Variants in NUP214 observed in about 807,000 individuals in gnomAD.
The protein encoded by NUP214 is nuclear pore complex protein Nup214.
In NUP214, 79 loss-of-function variants were observed where a neutral mutation model predicts 196.2. The observed-to-expected ratio is 0.40, with a 90% confidence interval of 0.34 to 0.49. NUP214 has a LOEUF of 0.49. NUP214 is among the 20% of genes least tolerant of loss of function. NUP214 has a pLI of 0.58. For synonymous variants in NUP214, 1,020 were observed against 990.5 expected, an observed-to-expected ratio of 1.03 and a Z score of -0.56; for missense variants, 2,468 against 2,539.0, an observed-to-expected ratio of 0.97 and a Z score of 0.60.
intron 11 of NUP214, among the ~76,000 whole-genome samples, chr9:131,142,396 G>A (rs1346933253): frequency 6.6e-6 from 1 of 152,244 alleles, no homozygotes; most frequent in Admixed American, 6.5e-5. Flanking sequence ...CAGATGTGTA[G>A]AAGAGAGCCC....
chr9:131,166,609 T>C (rs1588142795), intron 21 of NUP214, among the ~76,000 whole-genome samples: 1 of 152,314 alleles, frequency 6.6e-6, no homozygotes, highest in East Asian at 1.9e-4. Flanking sequence ...ACACATTAAG[T>C]GCACAAAACA....
intron 32 of NUP214, among the ~76,000 whole-genome samples, chr9:131,226,277 G>A (rs1564221405): frequency 6.6e-6 from 1 of 152,136 alleles, no homozygotes; most frequent in African/African-American, 2.4e-5. Context: ...TTCTTCTGGA[G>A]AAGAAATTTA....
Position 131,200,076 on chromosome 9 carries a change from G to A in NUP214, c.5521+1061G>A, listed in dbSNP as rs550519851. Among the ~76,000 whole-genome samples the A allele has an allele frequency of 3.3e-5, 5 of 152,268 alleles. No individual in the cohort carries two copies. In the South Asian group the frequency reaches 8.3e-4, roughly 25 times the overall value. ...TAGAGGAGAACGTGTAACACAGTCC[G>A]TATCACTACCACACCATTTGCTCTG... On this transcript the variant is annotated intron_variant, in intron 29 of 35. Coordinates refer to ENST00000359428, the MANE Select transcript of NUP214 (RefSeq NM_005085.4).
Position 131,215,416 on chromosome 9 carries a change from G to C in NUP214, c.5749+48G>C, listed in dbSNP as rs1435236324. On this transcript the variant is annotated intron_variant, in intron 31 of 35. Transcript: ENST00000359428. Reference sequence around the variant, plus strand: ...AGTCCCTTGGTCCCCTAATGCCATTGTCATTCTTAGGGTGTTATCAAAGCT... The same window carrying C: ...AGTCCCTTGGTCCCCTAATGCCATTCTCATTCTTAGGGTGTTATCAAAGCT... 3 of 1,461,628 alleles carry C rather than the reference G, an allele frequency of 2.1e-6. No individual in the cohort carries two copies. The South Asian group carries it at 4.4e-5, about 21-fold the overall frequency. The allele number at this position is 1,461,628 out of a possible 1,614,324, so 90.5% of individuals were successfully genotyped here. A position where few individuals can be genotyped will look rare whatever the true frequency, so the allele number is the denominator to read the frequency against.
chr9:131,233,662 G>A lies in NUP214; in HGVS notation c.*175G>A, dbSNP rs1260431611. ...CATGATTACTTGTTTTATATTTCAT[G>A]TTGGGTTTTCCCTCCCACTATTAAA... On this transcript the variant is annotated 3_prime_UTR_variant, in exon 36 of 36. Transcript: ENST00000359428. The A allele has an allele frequency of 6.8e-6, 5 of 731,662 alleles. No homozygotes were observed. In the African/African-American group the frequency reaches 8.7e-5, roughly 13 times the overall value. 45.3% of individuals were successfully genotyped at this position (731,662 alleles called of 1,614,324 possible). A position where few individuals can be genotyped will look rare whatever the true frequency, so the allele number is the denominator to read the frequency against.
At chr9:131,223,719 A>ATTTTTTTT (rs1564219704) in intron 32 of NUP214, among the ~76,000 whole-genome samples, 2 of 15,530 alleles carry the variant, frequency 1.3e-4, no homozygotes, top group African/African-American at 2.8e-4. Context: ...ATTTTTATTT[A>ATTTTTTTT]TTTATTTATT....
rs1022820496 is a variant in NUP214 at position 131,140,495 on chromosome 9, G to A, written c.1133-54G>A. ...GTTGAGGGCAGTCTTTGCCTTCTGGGCTCAGGCCCTTAAATTCACTTGGTT... is the reference window on the plus strand; with the variant it reads ...GTTGAGGGCAGTCTTTGCCTTCTGGACTCAGGCCCTTAAATTCACTTGGTT... On this transcript the variant is annotated intron_variant, in intron 10 of 35. Transcript: ENST00000359428. The A allele has an allele frequency of 4.6e-6, 7 of 1,522,296 alleles. No individual in the cohort carries two copies. The East Asian group carries it at 1.6e-4, about 34-fold the overall frequency. The allele number at this position is 1,522,296 out of a possible 1,614,324, so 94.3% of individuals were successfully genotyped here. A position where few individuals can be genotyped will look rare whatever the true frequency, so the allele number is the denominator to read the frequency against.
In NUP214 at chr9:131,228,286, A is replaced by G. The variant is rs751730026; in HGVS notation, c.6029A>G (p.Lys2010Arg). 4 of 1,605,028 alleles carry G rather than the reference A, an allele frequency of 2.5e-6. No homozygotes were observed. Among genetic ancestry groups the G allele is most frequent in the Non-Finnish European group, 8.5e-7 (1 of 1,176,854 alleles). The change falls in exon 33 of 36, where the codon AAA (lysine) becomes AGA (arginine). Residue 2010 changes from lysine (K) to arginine (R), a missense_variant. Physicochemically the swap from Lys to Arg is conservative, Grantham distance 26. Transcript: ENST00000359428. ...AGCCCTCTGGGCTCGACGGGAGGCA[A>G]AGTGTTCGGAGAGGGCACTGCAGCT... Reference protein sequence around the residue: ...FTSPLGSTGGKVFGEGTAAAS... With the variant: ...FTSPLGSTGGRVFGEGTAAAS...
At chr9:131,213,533 GC>G (rs1187442056) in intron 30 of NUP214, among the ~76,000 whole-genome samples, 1 of 152,102 alleles carries the variant, frequency 6.6e-6, no homozygotes. Flanking sequence ...GCTTTTTCAG[GC>G]AAAATGCTCA....
intron 18 of NUP214, among the ~76,000 whole-genome samples, chr9:131,161,581 G>A (rs144780142): frequency 3.6e-4 from 55 of 152,180 alleles, no homozygotes; most frequent in African/African-American, 1.3e-3. Flanking sequence ...AAAATTATAT[G>A]TTGAACTACC....
In NUP214 at chr9:131,233,612, A is replaced by C. The variant is rs190628188; in HGVS notation, c.*125A>C. The C allele has an allele frequency of 3.1e-4, 317 of 1,021,900 alleles. 4 individuals carry two copies. The East Asian group carries it at 5.1e-3, about 17-fold the overall frequency. The allele number at this position is 1,021,900 out of a possible 1,614,324, so 63.3% of individuals were successfully genotyped here. On this transcript the variant is annotated 3_prime_UTR_variant, in exon 36 of 36. Transcript: ENST00000359428. ...AAAACACATACACCCAGAAAGAAAC[A>C]ACAGAAACCAAAACTCACAAGGCGC...
Position 131,135,009 on chromosome 9 carries a change from G to A in NUP214, c.938+5G>A. On this transcript the variant is annotated splice_donor_5th_base_variant and intron_variant, in intron 8 of 35. Transcript: ENST00000359428. ...CCTCAGTTACATTGAGGAATGGTGA[G>A]CAGAGAGTCTGGACAGGGCATTCCT... 1.3e-6 allele frequency: 2 copies of A among 1,593,518 alleles called. No homozygotes were observed. Among genetic ancestry groups the A allele is most frequent in the Non-Finnish European group, 1.7e-6 (2 of 1,161,532 alleles).
chr9:131,210,905 A>C (rs989833337), intron 30 of NUP214, among the ~76,000 whole-genome samples: 5 of 152,336 alleles, frequency 3.3e-5, no homozygotes, highest in Middle Eastern at 3.4e-3. Flanking sequence ...ATAAATTCAC[A>C]AAAGAAGTGC....
At chr9:131,137,828 G>A (rs1434926814) in intron 9 of NUP214, among the ~76,000 whole-genome samples, 6 of 152,150 alleles carry the variant, frequency 3.9e-5, no homozygotes, top group Non-Finnish European at 8.8e-5. Context: ...TGGGATTACA[G>A]GCATGAGCCA....
At chr9:131,149,465 T>C (rs1832188299) in intron 14 of NUP214, among the ~76,000 whole-genome samples, 1 of 149,828 alleles carries the variant, frequency 6.7e-6, no homozygotes, top group Admixed American at 6.7e-5. Context: ...CCTAGATCCC[T>C]CTCTTTAACA....
In NUP214 at chr9:131,198,903, T is replaced by C. The variant is rs142708410; in HGVS notation, c.5409T>C (p.Ala1803=). The change falls in exon 29 of 36, where the codon GCT becomes GCC. Residue 1803 remains alanine, a synonymous_variant. Transcript: ENST00000359428. ...GGGGGCTGTTTGGCCAAAGCAACGC[T>C]CCTGCTTTTGGGCAGAGTCCTGGCT... is the stretch of plus-strand genomic sequence containing the variant. ...TGGGLFGQSN[A]PAFGQSPGFG... 7.4e-6 allele frequency: 12 copies of C among 1,614,148 alleles called. No homozygotes were observed. The African/African-American group carries it at 1.6e-4, about 22-fold the overall frequency.
chr9:131,233,638 A>G lies in NUP214; in HGVS notation c.*151A>G, dbSNP rs763942833. ...ACAGAAACCAAAACTCACAAGGCGC[A>G]TGATTACTTGTTTTATATTTCATGT... On this transcript the variant is annotated 3_prime_UTR_variant, in exon 36 of 36. Transcript: ENST00000359428. 3.8e-6 allele frequency: 3 copies of G among 793,582 alleles called. No homozygotes were observed. The highest frequency in any genetic ancestry group is 6.4e-6 in the Non-Finnish European group (3 of 470,090). The allele number at this position is 793,582 out of a possible 1,614,324, so 49.2% of individuals were successfully genotyped here. A position where few individuals can be genotyped will look rare whatever the true frequency, so the allele number is the denominator to read the frequency against.
intron 11 of NUP214, among the ~76,000 whole-genome samples, chr9:131,142,717 A>C (rs925895602): frequency 1.2e-4 from 18 of 152,256 alleles, no homozygotes; most frequent in African/African-American, 4.1e-4. Context: ...TGTATAAAGA[A>C]GTATTAACAG....
intron 30 of NUP214, among the ~76,000 whole-genome samples, chr9:131,208,410 G>A (rs560026975): frequency 6.6e-6 from 1 of 152,346 alleles, no homozygotes; most frequent in East Asian, 1.9e-4. Flanking sequence ...AAGGAGTGAA[G>A]TTCTTGGCCG....
Sources: allele counts gnomAD v4.1 joint callset (sites outside exome capture counted in the v4.1 genomes callset), GRCh38; gene constraint gnomAD v4.1.1; transcripts MANE v1.5; gene names NCBI Gene and HGNC (gene_info 2026-07-23, HGNC 2026-07-21).